Variants in RAF1 observed in about 807,000 individuals in gnomAD.
RAF1 encodes Raf-1 proto-oncogene, serine/threonine kinase.
A neutral mutation model predicts 81.1 loss-of-function variants in RAF1; 27 were observed. The ratio of observed to expected loss-of-function variants is 0.33; its 90% CI spans 0.25 to 0.46. The LOEUF (loss-of-function observed/expected upper bound fraction) is 0.46, where lower values mean the gene tolerates loss of function less well. Ranked by LOEUF, RAF1 falls within the 20% of genes least tolerant of loss-of-function variation. The pLI is 1.00. For synonymous variants in RAF1, 298 were observed against 294.0 expected, an observed-to-expected ratio of 1.01 and a Z score of -0.14; for missense variants, 598 against 826.0, an observed-to-expected ratio of 0.72 and a Z score of 3.38.
intron 15 of RAF1, 156 bp from the exon 15 acceptor site, chr3:12,585,409 G>A: frequency 1.0e-6 from 1 of 985,324 alleles, no homozygotes; most frequent in Non-Finnish European, 1.2e-6. Flanking sequence ...CTCAGGCACT[G>A]GTTAAAACAG....
intron 1 of RAF1, among the ~76,000 whole-genome samples, chr3:12,657,397 A>C (rs532183862): frequency 6.6e-6 from 1 of 152,328 alleles, no homozygotes; most frequent in East Asian, 1.9e-4. Context: ...TATGCACAAC[A>C]TAACTTTCTA....
chr3:12,599,240 A>G (rs2058782804), intron 11 of RAF1: 1 of 170,718 alleles, frequency 5.9e-6, no homozygotes, highest in Non-Finnish European at 1.3e-5. Flanking sequence ...GGCAGGACAA[A>G]GAGAAGTTAC....
chr3:12,627,194 G>A (rs2059730292), intron 1 of RAF1, among the ~76,000 whole-genome samples: 1 of 152,114 alleles, frequency 6.6e-6, no homozygotes, highest in Non-Finnish European at 1.5e-5. Context: ...AAGACATAGT[G>A]TATTCATAAT....
chr3:12,663,681 G>A (rs1261887144), intron 1 of RAF1, 132 bp downstream of exon 1: 10 of 388,924 alleles, frequency 2.6e-5, no homozygotes, highest in African/African-American at 1.9e-4. Flanking sequence ...ACAACGGCCT[G>A]GCCCAAGCCC....
chr3:12,588,081 A>AG (rs2058388187), intron 13 of RAF1: 1 of 151,550 alleles, frequency 6.6e-6, no homozygotes, highest in Non-Finnish European at 1.4e-5. Context: ...CTTGGATTAC[A>AG]GGCATGGGCC....
At chr3:12,612,188 C>T in intron 2 of RAF1, 126 bp from the exon 3 acceptor site, 3 of 741,222 alleles carry the variant, frequency 4.0e-6, no homozygotes, top group South Asian at 2.9e-5. Flanking sequence ...ATATACGAAA[C>T]AACCTGAATG....
intron 1 of RAF1, among the ~76,000 whole-genome samples, chr3:12,650,141 A>C (rs1218792720): frequency 1.8e-5 from 2 of 111,070 alleles, no homozygotes; most frequent in Non-Finnish European, 3.7e-5. Flanking sequence ...GCGAGACTCC[A>C]TCTCAAAAAA....
intron 1 of RAF1, among the ~76,000 whole-genome samples, chr3:12,630,399 G>C (rs1360239076): frequency 6.6e-6 from 1 of 152,090 alleles, no homozygotes; most frequent in Non-Finnish European, 1.5e-5. Flanking sequence ...CAAAACACAA[G>C]GATCCATGAT....
chr3:12,658,570 C>A (rs2060772897), intron 1 of RAF1, among the ~76,000 whole-genome samples: 1 of 152,140 alleles, frequency 6.6e-6, no homozygotes, highest in Non-Finnish European at 1.5e-5. Flanking sequence ...CCACTGCACT[C>A]CAGCCTGGGC....
intron 1 of RAF1, among the ~76,000 whole-genome samples, chr3:12,659,254 C>T (rs187326934): frequency 7.9e-5 from 12 of 151,412 alleles, no homozygotes; most frequent in African/African-American, 2.7e-4. Flanking sequence ...ATGGTGAAAC[C>T]TCGTCTCTAC....
intron 1 of RAF1, among the ~76,000 whole-genome samples, chr3:12,625,094 A>T (rs1191171904): frequency 1.3e-5 from 2 of 151,836 alleles, no homozygotes; most frequent in Non-Finnish European, 2.9e-5. Flanking sequence ...ATTTTTATTT[A>T]TTTTTTTGAG....
rs747472648 is a variant in RAF1, at chr3:12,641,490, G to GTT, written c.-27+22321_-27+22322dup. On this transcript the variant is annotated intron_variant, in intron 1 of 17. Coordinates refer to ENST00000442415, the MANE Select transcript of RAF1 (RefSeq NM_001354689.3). ...CCCCCCCAAAAAAAAATGTTTTTTG[G>GTT]TTTTTTTTTTTTTTTTTTTGAAACA... 5.5e-4 allele frequency among the ~76,000 whole-genome samples: 74 copies of GTT among 134,596 alleles called. 1 individual carries two copies. Among genetic ancestry groups the GTT allele is most frequent in the African/African-American group, 8.4e-4 (31 of 36,722 alleles). The allele number at this position is 134,596 out of a possible 152,430, so 88.3% of individuals were successfully genotyped here. A position where few individuals can be genotyped will look rare whatever the true frequency, so the allele number is the denominator to read the frequency against.
intron 1 of RAF1, among the ~76,000 whole-genome samples, chr3:12,650,550 C>A (rs2060490408): frequency 6.6e-6 from 1 of 152,086 alleles, no homozygotes; most frequent in Non-Finnish European, 1.5e-5. Context: ...AACCAGAATG[C>A]CTCTCTATAG....
intron 11 of RAF1, chr3:12,592,005 A>G: frequency 1.7e-6 from 1 of 592,914 alleles, no homozygotes; most frequent in Non-Finnish European, 3.0e-6. Context: ...CTTGACCTCC[A>G]GGGCTTAAGC....
chr3:12,631,263 G>A (rs1416367130), intron 1 of RAF1, among the ~76,000 whole-genome samples: 1 of 152,172 alleles, frequency 6.6e-6, no homozygotes, highest in East Asian at 1.9e-4. Context: ...CAGAAGAACT[G>A]TAAAATAAAG....
At chr3:12,648,273 G>C (rs922162950) in intron 1 of RAF1, among the ~76,000 whole-genome samples, 1 of 110,932 alleles carries the variant, frequency 9.0e-6, no homozygotes, top group African/African-American at 3.8e-5. Context: ...AGATAGCCAA[G>C]TAACAGCGAA....
Position 12,584,213 on chromosome 3 carries a change from C to T in RAF1, c.*301G>A. On this transcript the variant is annotated 3_prime_UTR_variant, in exon 18 of 18. Coordinates refer to ENST00000442415, the MANE Select transcript of RAF1 (RefSeq NM_001354689.3). ...ATGTAGCCAACAGCTGGGGCTGGGC[C>T]CCTGCTTTTTGTACTACCATCAACA... 1 of 462,812 alleles carries T rather than the reference C, an allele frequency of 2.2e-6. No homozygotes were observed. Among genetic ancestry groups the T allele is most frequent in the East Asian group, 3.7e-5 (1 of 26,692 alleles). The allele number at this position is 462,812 out of a possible 1,614,324, so 28.7% of individuals were successfully genotyped here. A position where few individuals can be genotyped will look rare whatever the true frequency, so the allele number is the denominator to read the frequency against.
rs1559397501 is a variant in RAF1, at chr3:12,584,472, T to C, written c.*42A>G. On this transcript the variant is annotated 3_prime_UTR_variant, in exon 18 of 18. Transcript: ENST00000442415. ...AGCAGAAAAGTGGTGCCTGCTGGCT[T>C]CTCCTCCTCCCCTGGCAGCCTGAAG... The C allele has an allele frequency of 2.5e-6, 4 of 1,613,686 alleles. No individual in the cohort carries two copies. In the Admixed American group the frequency reaches 6.7e-5, roughly 27 times the overall value.
chr3:12,607,635 G>A (rs1294700944), intron 5 of RAF1, among the ~76,000 whole-genome samples: 6 of 151,728 alleles, frequency 4.0e-5, no homozygotes, highest in African/African-American at 7.3e-5. Context: ...GAGACAGAGC[G>A]AGACCCTGTC....
Sources: allele counts gnomAD v4.1 joint callset (sites outside exome capture counted in the v4.1 genomes callset), GRCh38; gene constraint gnomAD v4.1.1; transcripts MANE v1.5; gene names NCBI Gene and HGNC (gene_info 2026-07-23, HGNC 2026-07-21).